Variants in PCBP3 observed in about 807,000 individuals in gnomAD.
The protein encoded by PCBP3 is poly(rC) binding protein 3.
Under a neutral mutation model 52.7 loss-of-function variants are expected in PCBP3, and 25 were observed. The ratio of observed to expected loss-of-function variants is 0.47; its 90% confidence interval spans 0.35 to 0.66. The LOEUF (loss-of-function observed/expected upper bound fraction) is 0.66. PCBP3 is among the 30% of genes least tolerant of loss of function. The pLI, the probability that PCBP3 is intolerant of heterozygous loss-of-function variation, is 0.01. For missense variants in PCBP3, 391 were observed against 490.3 expected (o/e 0.80, Z 1.91); for synonymous variants, 162 against 183.0 (o/e 0.89, Z 0.93).
chr21:45,730,722 C>T lies in PCBP3; in HGVS notation c.-199-4670C>T, dbSNP rs146069471. Among the ~76,000 whole-genome samples, 81 of 152,084 alleles carry T rather than the reference C, an allele frequency of 5.3e-4. 1 individual carries two copies. Among genetic ancestry groups the T allele is most frequent in the Middle Eastern group, 3.4e-3 (1 of 294 alleles). ...TTAAGCTCTTTATTAGGTGTGTGAA[C>T]GTTTAGGGTTATTATTTTCTCTTGA... On this transcript the variant is annotated intron_variant, in intron 2 of 17. Transcript: ENST00000681687.
chr21:45,768,560 C>T (rs566833434), intron 4 of PCBP3, among the ~76,000 whole-genome samples: 1 of 152,300 alleles, frequency 6.6e-6, no homozygotes, highest in South Asian at 2.1e-4. Flanking sequence ...CCTGGTAATT[C>T]AACTTGATTT....
chr21:45,752,716 G>A (rs1210165055), intron 3 of PCBP3: 3 of 151,780 alleles, frequency 2.0e-5, no homozygotes, highest in Admixed American at 1.3e-4. Context: ...GTCAAAGGGC[G>A]GCTCACACAT....
At chr21:45,643,911 G>A (rs1029259071) in intron 1 of PCBP3, 43 bp downstream of exon 1, 3 of 148,920 alleles carry the variant, frequency 2.0e-5, no homozygotes, top group African/African-American at 7.3e-5. Flanking sequence ...GGGCGCCCTT[G>A]CGGGTTACGG....
chr21:45,691,163 TAAAC>T (rs2082438696), intron 2 of PCBP3, among the ~76,000 whole-genome samples: 1 of 151,880 alleles, frequency 6.6e-6, no homozygotes, highest in African/African-American at 2.4e-5. Context: ...TACTAACTAA[TAAAC>T]AGGAACAAAA....
intron 2 of PCBP3, among the ~76,000 whole-genome samples, chr21:45,682,275 C>T (rs952363476): frequency 6.6e-6 from 1 of 152,106 alleles, no homozygotes; most frequent in Non-Finnish European, 1.5e-5. Context: ...TTCCTTGGGT[C>T]GCACGGTCTC....
Position 45,909,390 on chromosome 21 carries a change from C to T in PCBP3, c.375C>T (p.Thr125=). The part of the protein sequence containing the change: ...IINSMSNSPA[T]SKPPVTLRLV... ...ACTCCATGAGCAACAGCCCTGCCAC[C>T]AGCAAGCCCCCAGTGACGCTGAGGC... Residue 125 remains threonine, a synonymous_variant, in exon 10 of 18, where the codon ACC becomes ACT. Transcript: ENST00000681687. 1 of 1,613,344 alleles carries T rather than the reference C, an allele frequency of 6.2e-7. No individual in the cohort carries two copies. Among genetic ancestry groups the T allele is most frequent in the Non-Finnish European group, 8.5e-7 (1 of 1,179,762 alleles).
intron 4 of PCBP3, among the ~76,000 whole-genome samples, chr21:45,824,385 G>T (rs188169348): frequency 6.6e-6 from 1 of 152,332 alleles, no homozygotes; most frequent in Non-Finnish European, 1.5e-5. Flanking sequence ...AGGGCATCAG[G>T]CAAGTCATGT....
At position 45,767,567 on chromosome 21, in the gene PCBP3, ACT is replaced by A. The variant is rs2089464942; in HGVS notation, c.-126+12118_-126+12119del. 2.0e-5 allele frequency among the ~76,000 whole-genome samples: 3 copies of A among 152,052 alleles called. No individual in the cohort carries two copies. The South Asian group carries it at 6.2e-4, about 32-fold the overall frequency. Reference sequence around the variant, plus strand: ...GAGTGGACCTGGGGGACACGTAGAGACTCTGTGTTAACTGACTGAGGAACCAC... The same window carrying A: ...GAGTGGACCTGGGGGACACGTAGAGACTGTGTTAACTGACTGAGGAACCAC... On this transcript the variant is annotated intron_variant, in intron 4 of 17. Coordinates refer to ENST00000681687, the MANE Select transcript of PCBP3 (RefSeq NM_001384156.1).
chr21:45,744,371 T>C (rs1048511213), intron 3 of PCBP3: 2 of 152,062 alleles, frequency 1.3e-5, no homozygotes, highest in Admixed American at 6.6e-5. Context: ...ATTTTTAAAA[T>C]TTTTTTAGGC....
intron 4 of PCBP3, among the ~76,000 whole-genome samples, chr21:45,794,261 T>A (rs867148045): frequency 2.0e-5 from 3 of 152,158 alleles, no homozygotes; most frequent in South Asian, 2.1e-4. Flanking sequence ...ACAGAAAATT[T>A]ACAAATTAGC....
At chr21:45,861,578 G>A (rs988761075) in intron 5 of PCBP3, among the ~76,000 whole-genome samples, 6 of 152,020 alleles carry the variant, frequency 3.9e-5, no homozygotes, top group African/African-American at 1.4e-4. Context: ...GCCAGATGCA[G>A]AGCGAGAGTT....
At chr21:45,657,689 A>C (rs1049603402) in intron 1 of PCBP3, among the ~76,000 whole-genome samples, 1 of 151,176 alleles carries the variant, frequency 6.6e-6, no homozygotes, top group African/African-American at 2.4e-5. Context: ...AAAAAAAGGC[A>C]GGTAGAATTT....
chr21:45,684,055 CAA>C (rs71334088), intron 2 of PCBP3, among the ~76,000 whole-genome samples: 194 of 78,436 alleles, frequency 2.5e-3, no homozygotes, highest in African/African-American at 6.7e-3. Flanking sequence ...CCCATCTCTA[CAA>C]AAAAAAAAAA....
At chr21:45,834,048 G>A (rs1334358595) in intron 4 of PCBP3, among the ~76,000 whole-genome samples, 3 of 152,184 alleles carry the variant, frequency 2.0e-5, no homozygotes, top group Non-Finnish European at 4.4e-5. Flanking sequence ...GCTGGGGGCT[G>A]AGCCAGGACA....
intron 3 of PCBP3, chr21:45,750,395 A>ACCCCCCCCC (rs56245641): frequency 2.3e-5 from 2 of 87,686 alleles, no homozygotes; most frequent in Non-Finnish European, 4.9e-5. Context: ...CTGGGAGCAG[A>ACCCCCCCCC]CCCCCCCCCC....
intron 4 of PCBP3, among the ~76,000 whole-genome samples, chr21:45,783,995 G>T (rs1404957683): frequency 6.6e-6 from 1 of 152,184 alleles, no homozygotes; most frequent in African/African-American, 2.4e-5. Flanking sequence ...ACAGTAAAAT[G>T]ATGAGGTAAC....
chr21:45,879,907 A>T (rs2095360207), intron 5 of PCBP3, among the ~76,000 whole-genome samples: 1 of 152,046 alleles, frequency 6.6e-6, no homozygotes, highest in Non-Finnish European at 1.5e-5. Context: ...AAAAAAAGAA[A>T]ACAAAACAAG....
intron 2 of PCBP3, among the ~76,000 whole-genome samples, chr21:45,683,394 T>C (rs1043051422): frequency 1.3e-5 from 2 of 152,152 alleles, no homozygotes; most frequent in African/African-American, 4.8e-5. Flanking sequence ...CTTAAATTAA[T>C]CTTTACGGAG....
In PCBP3 at chr21:45,827,437, GACACCA is replaced by G. The variant is rs1200046315; in HGVS notation, c.-125-22512_-125-22507del. ...TTCAGCTGACAAAAGGCAATCGACA[GACACCA>G]ACACCAACACCCAGATGACATGGGC... On this transcript the variant is annotated intron_variant, in intron 4 of 17. Transcript: ENST00000681687. The surrounding 1 kb of genome is among the most constrained non-coding windows in gnomAD (Gnocchi z 4.3). Among the ~76,000 whole-genome samples, 1 of 152,148 alleles carries G rather than the reference GACACCA, an allele frequency of 6.6e-6. No homozygotes were observed. Among genetic ancestry groups the G allele is most frequent in the Non-Finnish European group, 1.5e-5 (1 of 68,042 alleles).
Sources: allele counts gnomAD v4.1 joint callset (sites outside exome capture counted in the v4.1 genomes callset), GRCh38; gene constraint gnomAD v4.1.1; non-coding constraint Gnocchi (gnomAD v3.1); transcripts MANE v1.5; gene names NCBI Gene and HGNC (gene_info 2026-07-23, HGNC 2026-07-21).